Variants in WWOX observed in about 807,000 individuals in gnomAD.
WWOX encodes the protein WW domain-containing oxidoreductase.
Under a neutral mutation model 46.2 loss-of-function variants are expected in WWOX, and 69 were observed. That is an observed-to-expected ratio of 1.49 (90% CI 1.23 to 1.82). The LOEUF is 1.82. Ranked by LOEUF, WWOX falls within the 40% of genes most tolerant of loss-of-function variation. The pLI is 0.00. For synonymous variants in WWOX, 359 were observed against 202.6 expected, an observed-to-expected ratio of 1.77 and a Z score of -6.56; for missense variants, 919 against 542.6, an observed-to-expected ratio of 1.69 and a Z score of -6.89.
At chr16:79,139,887 C>A (rs1455894245) in intron 8 of WWOX, among the ~76,000 whole-genome samples, 1 of 152,152 alleles carries the variant, frequency 6.6e-6, no homozygotes, top group African/African-American at 2.4e-5. Flanking sequence ...TACCCAAGAC[C>A]CTCCCCATAA....
rs79047273 is a variant in WWOX, at chr16:79,118,811, C to T, written c.1057-92797C>T. Among the ~76,000 whole-genome samples the T allele has an allele frequency of 6.9e-3, 1,051 of 152,310 alleles. 15 individuals are homozygous for T. Among genetic ancestry groups the T allele is most frequent in the African/African-American group, 0.024 (1,008 of 41,576 alleles). On this transcript the variant is annotated intron_variant, in intron 8 of 8. Transcript: ENST00000566780. ...CATTTGGCACATTGCTTATTTTTCCCTGTCTTTATACATTTCATCATGTTG... is the reference window on the plus strand; with the variant it reads ...CATTTGGCACATTGCTTATTTTTCCTTGTCTTTATACATTTCATCATGTTG...
At chr16:78,428,864 A>T (rs1036696453) in intron 7 of WWOX, among the ~76,000 whole-genome samples, 1 of 152,226 alleles carries the variant, frequency 6.6e-6, no homozygotes, top group Non-Finnish European at 1.5e-5. Flanking sequence ...AGAAACCAAA[A>T]GCCCTAAACA....
At chr16:78,352,216 G>C (rs938903618) in intron 5 of WWOX, among the ~76,000 whole-genome samples, 2 of 152,238 alleles carry the variant, frequency 1.3e-5, no homozygotes, top group African/African-American at 4.8e-5. Flanking sequence ...GATGTGCAAT[G>C]TGAAATCTCA....
rs117685990 is a variant in WWOX at position 78,583,704 on chromosome 16, C to T, written c.1056+150952C>T. On this transcript the variant is annotated intron_variant, in intron 8 of 8. Transcript: ENST00000566780. ...GGGGGGGTTGCTTGGCCCAGGAACC[C>T]GTGCCCTGATGTGGAGTTGGTAATC... Among the ~76,000 whole-genome samples, 21 of 152,274 alleles carry T rather than the reference C, an allele frequency of 1.4e-4. No individual in the cohort carries two copies. The East Asian group carries it at 3.3e-3, about 24-fold the overall frequency.
intron 8 of WWOX, among the ~76,000 whole-genome samples, chr16:79,088,401 G>A (rs1180162070): frequency 2.0e-5 from 3 of 152,190 alleles, no homozygotes; most frequent in Non-Finnish European, 4.4e-5. Flanking sequence ...GATAAAGACA[G>A]GGTTTGCTGA....
At chr16:78,677,970 G>T (rs1043808574) in intron 8 of WWOX, among the ~76,000 whole-genome samples, 1 of 152,134 alleles carries the variant, frequency 6.6e-6, no homozygotes, top group Non-Finnish European at 1.5e-5. Flanking sequence ...GACATCCTTA[G>T]CCACTGTTTA....
intron 5 of WWOX, among the ~76,000 whole-genome samples, chr16:78,189,703 G>A (rs1437179973): frequency 6.6e-6 from 1 of 152,068 alleles, no homozygotes; most frequent in Non-Finnish European, 1.5e-5. Context: ...CTCCCAGGCT[G>A]GAGTGCAATG....
intron 8 of WWOX, among the ~76,000 whole-genome samples, chr16:78,539,923 C>T (rs1048696486): frequency 1.3e-5 from 2 of 152,062 alleles, no homozygotes; most frequent in African/African-American, 4.8e-5. Flanking sequence ...TAAAACCACA[C>T]TTACATTTAA....
rs558148843 is a variant in WWOX at position 78,915,538 on chromosome 16, A to C, written c.1057-296070A>C. Among the ~76,000 whole-genome samples the C allele has an allele frequency of 4.6e-5, 7 of 152,324 alleles. No individual in the cohort carries two copies. The East Asian group carries it at 1.3e-3, about 29-fold the overall frequency. On this transcript the variant is annotated intron_variant, in intron 8 of 8. Transcript: ENST00000566780. ...GCAGATCAATGAGCCAAATGTTAGC[A>C]GGGGACTGGGCATTTGAAGATTTAA...
chr16:78,760,374 C>G (rs901169681), intron 8 of WWOX, among the ~76,000 whole-genome samples: 2 of 152,158 alleles, frequency 1.3e-5, no homozygotes, highest in East Asian at 1.9e-4. Context: ...GGGACACAGC[C>G]AAACCATATC....
chr16:78,620,353 A>C (rs372221963), intron 8 of WWOX, among the ~76,000 whole-genome samples: 1 of 152,184 alleles, frequency 6.6e-6, no homozygotes, highest in Non-Finnish European at 1.5e-5. Flanking sequence ...CCTATCAATC[A>C]GGTGCTTAGG....
In WWOX at chr16:78,299,162, C is replaced by T. The variant is rs558573465; in HGVS notation, c.517-87698C>T. 8.5e-5 allele frequency among the ~76,000 whole-genome samples: 13 copies of T among 152,268 alleles called. No homozygotes were observed. The South Asian group carries it at 2.1e-3, about 24-fold the overall frequency. Reference sequence around the variant, plus strand: ...GAACCCAGAAGACTGACTCTCAGAACGGAAAACTCTTGGCTAGAGGATTCC... The same window carrying T: ...GAACCCAGAAGACTGACTCTCAGAATGGAAAACTCTTGGCTAGAGGATTCC... On this transcript the variant is annotated intron_variant, in intron 5 of 8. Coordinates refer to ENST00000566780, the MANE Select transcript of WWOX (RefSeq NM_016373.4).
chr16:78,719,359 A>G (rs1293296003), intron 8 of WWOX, among the ~76,000 whole-genome samples: 2 of 152,238 alleles, frequency 1.3e-5, no homozygotes, highest in Non-Finnish European at 2.9e-5. Flanking sequence ...ACCATTTGCT[A>G]AATCTTCTGT....
At chr16:78,715,591 C>G (rs1429305422) in intron 8 of WWOX, among the ~76,000 whole-genome samples, 3 of 151,738 alleles carry the variant, frequency 2.0e-5, no homozygotes, top group Non-Finnish European at 2.9e-5. Flanking sequence ...TCAAGCGATT[C>G]TCCTGCCTCA....
intron 8 of WWOX, among the ~76,000 whole-genome samples, chr16:79,107,138 A>G (rs2049326824): frequency 6.6e-6 from 1 of 152,014 alleles, no homozygotes; most frequent in East Asian, 1.9e-4. Flanking sequence ...GCAGAATCTT[A>G]CTATGTTGCC....
chr16:78,261,263 G>GTAGA (rs74864922), intron 5 of WWOX, among the ~76,000 whole-genome samples: 2,547 of 148,050 alleles, frequency 0.017, 125 homozygotes, highest in African/African-American at 0.057. Flanking sequence ...GTGTGGTAAG[G>GTAGA]TAGATAGATA....
intron 5 of WWOX, among the ~76,000 whole-genome samples, chr16:78,275,918 G>T (rs1028895413): frequency 2.0e-5 from 3 of 151,996 alleles, no homozygotes; most frequent in African/African-American, 7.2e-5. Flanking sequence ...ACTGGGAGGG[G>T]AGGCTGGACT....
chr16:78,882,363 A>G lies in WWOX; in HGVS notation c.1057-329245A>G, dbSNP rs541313581. On this transcript the variant is annotated intron_variant, in intron 8 of 8. Transcript: ENST00000566780. ...GCGACTTGCCCAAAATAGCACAGCA[A>G]TCTGACAGAGCCAGGATTATCTTCC... Among the ~76,000 whole-genome samples the G allele has an allele frequency of 1.1e-3, 162 of 152,288 alleles. 1 individual carries two copies. The highest frequency in any genetic ancestry group is 3.7e-3 in the African/African-American group (154 of 41,558).
At chr16:79,031,092 CAAA>C (rs60529075) in intron 8 of WWOX, among the ~76,000 whole-genome samples, 4 of 127,316 alleles carry the variant, frequency 3.1e-5, no homozygotes, top group Admixed American at 8.1e-5. Context: ...GACCCTGTCT[CAAA>C]AAAAAAAAAA....
Sources: gnomAD v4.1 joint callset for allele counts (sites outside exome capture counted in the v4.1 genomes callset) on GRCh38, gnomAD v4.1.1 for gene constraint, MANE v1.5 for transcripts, NCBI Gene and HGNC (gene_info 2026-07-23, HGNC 2026-07-21) for gene names.